EXOC6B: variants seen among roughly 807,000 people sequenced by gnomAD.
EXOC6B encodes the protein exocyst complex component 6B, also known as SEC15 homolog B.
Under a neutral mutation model 113.5 loss-of-function variants are expected in EXOC6B, and 54 were observed. The ratio of observed to expected loss-of-function variants is 0.48; its 90% confidence interval spans 0.38 to 0.60. EXOC6B has a LOEUF of 0.60. EXOC6B is among the 20% of genes least tolerant of loss of function. EXOC6B has a pLI of 0.00. For synonymous variants in EXOC6B, 357 were observed against 339.0 expected (o/e 1.05, Z -0.58); for missense variants, 797 against 977.5 (o/e 0.82, Z 2.46).
chr2:72,370,714 G>C (rs1690947277), intron 19 of EXOC6B, among the ~76,000 whole-genome samples: 1 of 152,080 alleles, frequency 6.6e-6, no homozygotes, highest in Non-Finnish European at 1.5e-5. Flanking sequence ...CCTTTGTAGG[G>C]ACATGGATGA....
At chr2:72,334,702 C>T (rs1425552505) in intron 20 of EXOC6B, among the ~76,000 whole-genome samples, 1 of 151,952 alleles carries the variant, frequency 6.6e-6, no homozygotes, top group East Asian at 1.9e-4. Context: ...ACTTGAGTCC[C>T]TCTACTCTGG....
intron 1 of EXOC6B, among the ~76,000 whole-genome samples, chr2:72,819,420 T>A (rs1255984688): frequency 6.6e-6 from 1 of 152,170 alleles, no homozygotes; most frequent in Non-Finnish European, 1.5e-5. Flanking sequence ...ATGGGAATGT[T>A]CTTCCCCTCA....
intron 1 of EXOC6B, among the ~76,000 whole-genome samples, chr2:72,778,731 T>C (rs990298125): frequency 2.6e-4 from 39 of 152,178 alleles, no homozygotes; most frequent in Admixed American, 4.6e-4. Flanking sequence ...CTCCCATTCT[T>C]TCTAAAGACT....
At chr2:72,729,867 T>C (rs1201491190) in intron 5 of EXOC6B, among the ~76,000 whole-genome samples, 1 of 152,194 alleles carries the variant, frequency 6.6e-6, no homozygotes, top group Non-Finnish European at 1.5e-5. Flanking sequence ...ACTATTTTAA[T>C]GTCTAATGAT....
chr2:72,491,376 T>G (rs1373628300), intron 16 of EXOC6B, among the ~76,000 whole-genome samples: 1 of 152,156 alleles, frequency 6.6e-6, no homozygotes, highest in South Asian at 2.1e-4. Context: ...TCTTTACCTA[T>G]AGGTCAGTAT....
intron 6 of EXOC6B, among the ~76,000 whole-genome samples, chr2:72,671,784 AAAGAAAGAAAGAAAGAAAG>A (rs1323911650): frequency 2.4e-5 from 3 of 125,742 alleles, no homozygotes; most frequent in Admixed American, 1.5e-4. Context: ...AGAAAGAAAG[AAAGAAAGAAAGAAAGAAAG>A]AAAGAAAGAA....
At chr2:72,377,427 C>T (rs971055474) in intron 19 of EXOC6B, among the ~76,000 whole-genome samples, 1 of 151,958 alleles carries the variant, frequency 6.6e-6, no homozygotes, top group African/African-American at 2.4e-5. Flanking sequence ...AGCATTATCG[C>T]AATAGCCAAG....
chr2:72,426,709 C>T (rs933460340), intron 18 of EXOC6B, among the ~76,000 whole-genome samples: 9 of 152,334 alleles, frequency 5.9e-5, no homozygotes, highest in South Asian at 4.1e-4. Context: ...ATCCCCAGTG[C>T]GCTTATTTCC....
At chr2:72,389,740 A>G (rs1395588264) in intron 18 of EXOC6B, among the ~76,000 whole-genome samples, 1 of 152,152 alleles carries the variant, frequency 6.6e-6, no homozygotes, top group Non-Finnish European at 1.5e-5. Context: ...CTGATTAAAA[A>G]GAAGTATCTA....
At chr2:72,417,349 GGTTTC>G (rs1296641572) in intron 18 of EXOC6B, among the ~76,000 whole-genome samples, 1 of 152,154 alleles carries the variant, frequency 6.6e-6, no homozygotes, top group East Asian at 1.9e-4. Flanking sequence ...GTAGAGGCAG[GGTTTC>G]ACCATGTTGG....
chr2:72,647,892 A>C (rs1382406361), intron 6 of EXOC6B, among the ~76,000 whole-genome samples: 1 of 152,200 alleles, frequency 6.6e-6, no homozygotes, highest in African/African-American at 2.4e-5. Context: ...TGACTAAAAC[A>C]CCAAAAGCAC....
rs1677718056 is a variant in EXOC6B, at chr2:72,176,191, G to A, written c.*3144C>T. 1 of 150,676 alleles carries A rather than the reference G, an allele frequency of 6.6e-6. No individual in the cohort carries two copies. Among genetic ancestry groups the A allele is most frequent in the Non-Finnish European group, 1.5e-5 (1 of 67,882 alleles). The allele number at this position is 150,676 out of a possible 1,614,324, so 9.3% of individuals were successfully genotyped here. On this transcript the variant is annotated 3_prime_UTR_variant, in exon 22 of 22. Transcript: ENST00000272427. Reference sequence around the variant, plus strand: ...CTTTCCTAATTTTCTCTATATATGTGCAACTATCTGTGTAAAATAAAAATG... The same window carrying A: ...CTTTCCTAATTTTCTCTATATATGTACAACTATCTGTGTAAAATAAAAATG...
chr2:72,249,625 A>G (rs1240343694), intron 20 of EXOC6B, among the ~76,000 whole-genome samples: 1 of 152,230 alleles, frequency 6.6e-6, no homozygotes, highest in East Asian at 1.9e-4. Flanking sequence ...TTGTAAAAAA[A>G]ATTGTAAAAT....
chr2:72,769,564 C>A (rs947089034), intron 1 of EXOC6B, among the ~76,000 whole-genome samples: 3 of 152,188 alleles, frequency 2.0e-5, no homozygotes, highest in Non-Finnish European at 4.4e-5. Flanking sequence ...GTAATCCCAG[C>A]ACTTTGGGAG....
At chr2:72,531,899 C>T (rs1244791006) in intron 8 of EXOC6B, among the ~76,000 whole-genome samples, 2 of 152,042 alleles carry the variant, frequency 1.3e-5, no homozygotes, top group East Asian at 1.9e-4. Context: ...GCAGGAGAAT[C>T]GCTTGAACCC....
chr2:72,688,247 C>A (rs1034017442), intron 6 of EXOC6B, among the ~76,000 whole-genome samples: 1 of 152,034 alleles, frequency 6.6e-6, no homozygotes, highest in Non-Finnish European at 1.5e-5. Flanking sequence ...TTAAGTTCCC[C>A]CAGAAGGAGA....
chr2:72,609,050 C>G (rs1421528846), intron 6 of EXOC6B, among the ~76,000 whole-genome samples: 2 of 152,134 alleles, frequency 1.3e-5, no homozygotes, highest in African/African-American at 4.8e-5. Context: ...CTTCCAATTA[C>G]CACCTCACTT....
At chr2:72,207,495 AAAAG>A (rs1679907321) in intron 20 of EXOC6B, among the ~76,000 whole-genome samples, 1 of 152,222 alleles carries the variant, frequency 6.6e-6, no homozygotes, top group East Asian at 1.9e-4. Flanking sequence ...TAATTCACGC[AAAAG>A]CACTCAGGAC....
At chr2:72,274,808 GCA>G (rs1336205453) in intron 20 of EXOC6B, among the ~76,000 whole-genome samples, 2 of 152,134 alleles carry the variant, frequency 1.3e-5, no homozygotes, top group Non-Finnish European at 2.9e-5. Context: ...CCTGTCAAAA[GCA>G]CAGAGTGAAG....
Sources: gnomAD v4.1 joint callset for allele counts (sites outside exome capture counted in the v4.1 genomes callset) on GRCh38, gnomAD v4.1.1 for gene constraint, MANE v1.5 for transcripts, NCBI Gene and HGNC (gene_info 2026-07-23, HGNC 2026-07-21) for gene names.